SNCAIP: variants seen among roughly 807,000 people sequenced by gnomAD.
SNCAIP encodes the protein synphilin-1.
In SNCAIP, 43 loss-of-function variants were observed where a neutral mutation model predicts 86.7. The ratio of observed to expected loss-of-function variants is 0.50; its 90% confidence interval spans 0.39 to 0.64. The LOEUF is 0.64. Ranked by LOEUF, SNCAIP falls within the 30% of genes least tolerant of loss-of-function variation. SNCAIP has a pLI of 0.00. For synonymous variants in SNCAIP, 417 were observed against 427.2 expected, an observed-to-expected ratio of 0.98 and a Z score of 0.29; for missense variants, 981 against 1,103.1, an observed-to-expected ratio of 0.89 and a Z score of 1.57.
At position 122,318,512 on chromosome 5, in the gene SNCAIP, A is replaced by C. The variant is rs76790869; in HGVS notation, c.-47+6228A>C. Among the ~76,000 whole-genome samples the C allele has an allele frequency of 5.7e-3, 865 of 152,268 alleles. 7 individuals carry two copies. The highest frequency in any genetic ancestry group is 0.02 in the African/African-American group (825 of 41,558). On this transcript the variant is annotated intron_variant, in intron 1 of 10. Coordinates refer to ENST00000261368, the MANE Select transcript of SNCAIP (RefSeq NM_005460.4). ...TGCCTTGCCCACCATGTATCTCAAAAATTTTTAAATAAATGAGAGAAAAAT... is the reference window on the plus strand; with the variant it reads ...TGCCTTGCCCACCATGTATCTCAAACATTTTTAAATAAATGAGAGAAAAAT...
At chr5:122,320,955 C>T (rs1233562985) in intron 1 of SNCAIP, among the ~76,000 whole-genome samples, 1 of 152,116 alleles carries the variant, frequency 6.6e-6, no homozygotes, top group Non-Finnish European at 1.5e-5. Context: ...CTTGATGGGT[C>T]GGTCCCCCTG....
intron 1 of SNCAIP, among the ~76,000 whole-genome samples, chr5:122,350,386 T>G (rs997740057): frequency 6.6e-6 from 1 of 152,184 alleles, no homozygotes; most frequent in Non-Finnish European, 1.5e-5. Context: ...TTTTTTAGTA[T>G]TATTATTTTA....
intron 5 of SNCAIP, among the ~76,000 whole-genome samples, chr5:122,430,144 A>G (rs1168870988): frequency 6.6e-6 from 1 of 152,204 alleles, no homozygotes; most frequent in Non-Finnish European, 1.5e-5. Flanking sequence ...TCCTCCTTTT[A>G]GAATAAATTT....
intron 1 of SNCAIP, among the ~76,000 whole-genome samples, chr5:122,332,730 G>T (rs1755633762): frequency 6.6e-6 from 1 of 152,188 alleles, no homozygotes; most frequent in Non-Finnish European, 1.5e-5. Context: ...TCCCTAGCCT[G>T]CTGGCTGAGG....
intron 1 of SNCAIP, among the ~76,000 whole-genome samples, chr5:122,315,391 G>C (rs1751498141): frequency 6.6e-6 from 1 of 152,118 alleles, no homozygotes; most frequent in Non-Finnish European, 1.5e-5. Flanking sequence ...AGAACAACCT[G>C]CAATGCAAAA....
At position 122,338,809 on chromosome 5, in the gene SNCAIP, AT is replaced by A. The variant is rs1329797492; in HGVS notation, c.-47+26527del. ...TTTAAAAGAATGCTCATTTCCTAAA[AT>A]TCTTTGTGATCTAAACATGAGAGTT... On this transcript the variant is annotated intron_variant, in intron 1 of 10. Coordinates refer to ENST00000261368, the MANE Select transcript of SNCAIP (RefSeq NM_005460.4). Among the ~76,000 whole-genome samples, 20 of 152,300 alleles carry A rather than the reference AT, an allele frequency of 1.3e-4. No homozygotes were observed. In the South Asian group the frequency reaches 3.9e-3, roughly 30 times the overall value.
rs182258314 is a variant in SNCAIP, at chr5:122,463,834, A to C, written c.*338A>C. On this transcript the variant is annotated 3_prime_UTR_variant, in exon 11 of 11. Coordinates refer to ENST00000261368, the MANE Select transcript of SNCAIP (RefSeq NM_005460.4). ...ATGTTTTTTAAGAGTAGATTGATTCACCCTACCCACAGGACATTCACCAAG... is the reference window on the plus strand; with the variant it reads ...ATGTTTTTTAAGAGTAGATTGATTCCCCCTACCCACAGGACATTCACCAAG... 3.4e-6 allele frequency: 1 copy of C among 291,954 alleles called. No individual in the cohort carries two copies. The allele number at this position is 291,954 out of a possible 1,614,324, so 18.1% of individuals were successfully genotyped here.
intron 1 of SNCAIP, among the ~76,000 whole-genome samples, chr5:122,329,262 C>CAAAAAAAA (rs78307168): frequency 1.2e-5 from 1 of 81,216 alleles, no homozygotes; most frequent in Non-Finnish European, 2.9e-5. Context: ...GGTAATGTGG[C>CAAAAAAAA]AAAAAAAAAA....
chr5:122,420,371 C>T (rs1776138975), intron 3 of SNCAIP, among the ~76,000 whole-genome samples: 1 of 152,034 alleles, frequency 6.6e-6, no homozygotes, highest in Non-Finnish European at 1.5e-5. Context: ...AAAGAGTAGC[C>T]CTTTGAACCT....
At chr5:122,399,828 G>C (rs1771403796) in intron 2 of SNCAIP, among the ~76,000 whole-genome samples, 1 of 152,042 alleles carries the variant, frequency 6.6e-6, no homozygotes, top group South Asian at 2.1e-4. Flanking sequence ...ACTTCATCGT[G>C]CGTTATAATC....
intron 9 of SNCAIP, 101 bp from the exon 10 acceptor site, chr5:122,450,432 A>G: frequency 1.2e-6 from 1 of 843,982 alleles, no homozygotes; most frequent in Non-Finnish European, 2.1e-6. Context: ...TTCTGTTCTT[A>G]TTTACTTATA....
At chr5:122,403,761 T>G (rs368713131) in intron 2 of SNCAIP, 32 bp from the exon 3 acceptor site, 1 of 1,557,862 alleles carries the variant, frequency 6.4e-7, no homozygotes, top group Non-Finnish European at 8.9e-7. Context: ...TTAAATTATT[T>G]TATGCCCTCT....
intron 1 of SNCAIP, among the ~76,000 whole-genome samples, chr5:122,315,315 A>C (rs1751484789): frequency 6.6e-6 from 1 of 152,190 alleles, no homozygotes; most frequent in Non-Finnish European, 1.5e-5. Context: ...TGTACCTCCC[A>C]TTCTCCAGCA....
chr5:122,344,705 T>C (rs1758253509), intron 1 of SNCAIP, among the ~76,000 whole-genome samples: 1 of 152,196 alleles, frequency 6.6e-6, no homozygotes, highest in Non-Finnish European at 1.5e-5. Flanking sequence ...TGTTTTGAGT[T>C]TCAGAGCTAA....
chr5:122,365,548 G>T (rs1379037893), intron 1 of SNCAIP, among the ~76,000 whole-genome samples: 1 of 152,152 alleles, frequency 6.6e-6, no homozygotes. Context: ...GCGTGGTGAC[G>T]CATGCCTGTA....
intron 1 of SNCAIP, among the ~76,000 whole-genome samples, chr5:122,345,206 ATGT>A (rs1282133414): frequency 6.6e-6 from 1 of 152,210 alleles, no homozygotes; most frequent in African/African-American, 2.4e-5. Context: ...CTTTTAAAAA[ATGT>A]TGTATCAAAT....
intron 4 of SNCAIP, among the ~76,000 whole-genome samples, chr5:122,424,594 T>C (rs181754239): frequency 6.6e-6 from 1 of 152,326 alleles, no homozygotes; most frequent in African/African-American, 2.4e-5. Context: ...GGTAATATAA[T>C]TGAATAATTT....
At chr5:122,439,408 C>T (rs1032319526) in intron 6 of SNCAIP, among the ~76,000 whole-genome samples, 10 of 152,290 alleles carry the variant, frequency 6.6e-5, no homozygotes, top group Non-Finnish European at 1.3e-4. Flanking sequence ...TCTCATCATG[C>T]TCTTTAGGGG....
Position 122,317,242 on chromosome 5 carries a change from G to A in SNCAIP, c.-47+4958G>A, listed in dbSNP as rs563407457. 2.6e-5 allele frequency among the ~76,000 whole-genome samples: 4 copies of A among 152,096 alleles called. No homozygotes were observed. In the South Asian group the frequency reaches 8.3e-4, roughly 32 times the overall value. Reference sequence around the variant, plus strand: ...TGAGACACAGTTGTCTTTCATCCTTGTGTTTGTCAGGACACTTGGTTGCAA... The same window carrying A: ...TGAGACACAGTTGTCTTTCATCCTTATGTTTGTCAGGACACTTGGTTGCAA... On this transcript the variant is annotated intron_variant, in intron 1 of 10. Coordinates refer to ENST00000261368, the MANE Select transcript of SNCAIP (RefSeq NM_005460.4).
Sources: gnomAD v4.1 joint callset for allele counts (sites outside exome capture counted in the v4.1 genomes callset) on GRCh38, gnomAD v4.1.1 for gene constraint, MANE v1.5 for transcripts, NCBI Gene and HGNC (gene_info 2026-07-23, HGNC 2026-07-21) for gene names.